The following CYSTM1 variants were observed in gnomAD, a reference collection of about 807,000 sequenced individuals.
The protein encoded by CYSTM1 is cysteine rich transmembrane module containing 1.
Under a neutral mutation model 13.1 loss-of-function variants are expected in CYSTM1, and 4 were observed. That is an observed-to-expected ratio of 0.31 (90% confidence interval 0.15 to 0.70). The LOEUF (loss-of-function observed/expected upper bound fraction) is 0.70. Among genes scored for constraint, CYSTM1 ranks in the 30% least tolerant of loss-of-function variants. The pLI, the probability that CYSTM1 is intolerant of heterozygous loss-of-function variation, is 0.72. For synonymous variants in CYSTM1, 36 were observed against 42.7 expected, an observed-to-expected ratio of 0.84 and a Z score of 0.62; for missense variants, 96 against 121.6, an observed-to-expected ratio of 0.79 and a Z score of 0.99.
intron 1 of CYSTM1, among the ~76,000 whole-genome samples, chr5:140,187,128 A>AAAAC (rs1252889917): frequency 1.3e-5 from 2 of 151,608 alleles, no homozygotes; most frequent in African/African-American, 2.4e-5. Context: ...TCTATCTCAA[A>AAAAC]AAACAAACAA....
chr5:140,221,673 G>A (rs1764494110), intron 2 of CYSTM1, among the ~76,000 whole-genome samples: 1 of 152,192 alleles, frequency 6.6e-6, no homozygotes, highest in African/African-American at 2.4e-5. Flanking sequence ...GCAAACATGG[G>A]TGTACAAATA....
chr5:140,231,620 A>G (rs952887736), intron 2 of CYSTM1, among the ~76,000 whole-genome samples: 5 of 152,258 alleles, frequency 3.3e-5, no homozygotes, highest in African/African-American at 1.2e-4. Flanking sequence ...CAAAAGGGGA[A>G]CAATCTGGCA....
chr5:140,227,631 C>T (rs1470676986), intron 2 of CYSTM1, among the ~76,000 whole-genome samples: 1 of 152,080 alleles, frequency 6.6e-6, no homozygotes, highest in Non-Finnish European at 1.5e-5. Context: ...AGGGAGGCAG[C>T]CCAGGACTGA....
chr5:140,184,521 T>C (rs1343901429), intron 1 of CYSTM1, among the ~76,000 whole-genome samples: 1 of 152,164 alleles, frequency 6.6e-6, no homozygotes, highest in Non-Finnish European at 1.5e-5. Context: ...TATGTCTTTA[T>C]TGAAGAGTTT....
intron 2 of CYSTM1, among the ~76,000 whole-genome samples, chr5:140,218,120 G>T (rs1044223615): frequency 6.6e-6 from 1 of 152,198 alleles, no homozygotes; most frequent in African/African-American, 2.4e-5. Flanking sequence ...GGCTGTGGTT[G>T]TGAATATCAT....
intron 2 of CYSTM1, chr5:140,201,620 T>G (rs17286613): frequency 0.19 from 29,516 of 152,242 alleles, 3,051 homozygotes; most frequent in South Asian, 0.24. Context: ...AGAGCCCTTC[T>G]TCTTGCTCCA....
At chr5:140,189,490 C>T (rs942149643) in intron 1 of CYSTM1, among the ~76,000 whole-genome samples, 2 of 152,148 alleles carry the variant, frequency 1.3e-5, no homozygotes, top group African/African-American at 4.8e-5. Flanking sequence ...TTATAAATTG[C>T]CCAGCCTCAG....
intron 2 of CYSTM1, among the ~76,000 whole-genome samples, chr5:140,199,945 C>A (rs906851039): frequency 2.0e-5 from 3 of 152,258 alleles, no homozygotes; most frequent in African/African-American, 7.2e-5. Flanking sequence ...TGTTCATATT[C>A]TTTGCCCACT....
intron 2 of CYSTM1, chr5:140,201,294 C>T (rs1015644259): frequency 1.3e-5 from 2 of 152,084 alleles, no homozygotes; most frequent in African/African-American, 4.8e-5. Context: ...AAAATATATC[C>T]ACCCCCTTCC....
At chr5:140,185,494 G>C (rs1764006040) in intron 1 of CYSTM1, among the ~76,000 whole-genome samples, 1 of 152,182 alleles carries the variant, frequency 6.6e-6, no homozygotes, top group East Asian at 1.9e-4. Context: ...ATCAGTATTT[G>C]GACAATAATG....
chr5:140,197,820 G>A (rs1287049849), intron 2 of CYSTM1, among the ~76,000 whole-genome samples: 2 of 152,130 alleles, frequency 1.3e-5, no homozygotes, highest in African/African-American at 4.8e-5. Context: ...TCAAAGGAGG[G>A]AGGATCTCCT....
intron 1 of CYSTM1, among the ~76,000 whole-genome samples, chr5:140,188,143 A>G (rs950237042): frequency 2.7e-5 from 4 of 148,218 alleles, no homozygotes; most frequent in Non-Finnish European, 4.4e-5. Context: ...TGTCATGATC[A>G]TAGCTCACTG....
chr5:140,240,350 G>A (rs1764733339), intron 2 of CYSTM1, among the ~76,000 whole-genome samples: 1 of 151,612 alleles, frequency 6.6e-6, no homozygotes. Flanking sequence ...CTTCTGCTTG[G>A]CTGTAGAGGA....
chr5:140,185,217 T>C (rs1001432313), intron 1 of CYSTM1, among the ~76,000 whole-genome samples: 2 of 152,238 alleles, frequency 1.3e-5, no homozygotes, highest in Admixed American at 6.5e-5. Context: ...CAGAGGTAGA[T>C]GATCCATTGT....
At position 140,192,031 on chromosome 5, in the gene CYSTM1, A is replaced by G. The variant is rs552109115; in HGVS notation, c.-20-2415A>G. The stretch of plus-strand genomic sequence containing the variant: ...GAGCGCAGAGAAGGGAAAGAACTCT[A>G]CTTTTTTCCTGAGTCCCTTTCAGGC... On this transcript the variant is annotated intron_variant, in intron 1 of 2. Transcript: ENST00000261811. 6.1e-4 allele frequency among the ~76,000 whole-genome samples: 93 copies of G among 152,274 alleles called. 3 individuals carry two copies. In the South Asian group the frequency reaches 0.018, roughly 29 times the overall value.
intron 2 of CYSTM1, 92 bp from the exon 3 acceptor site, chr5:140,243,213 G>T: frequency 1.0e-6 from 1 of 976,504 alleles, no homozygotes. Context: ...TTTTCCCCTG[G>T]TGTAGCCTTC....
Position 140,243,306 on chromosome 5 carries a change from G to T in CYSTM1, c.189G>T (p.Val63=). Reference sequence around the variant, plus strand: ...CCCTCTTCCCTCTTCTCCCTCCAGTGTATGTGGTAGAAGACCAAAGAAGAG... The same window carrying T: ...CCCTCTTCCCTCTTCTCCCTCCAGTTTATGTGGTAGAAGACCAAAGAAGAG... The part of the protein sequence containing the change: ...GGPQEPPKTT[V]YVVEDQRRDE... Residue 63 remains valine, a splice_region_variant and synonymous_variant, in exon 3 of 3, where the codon GTG becomes GTT. Coordinates refer to ENST00000261811, the MANE Select transcript of CYSTM1 (RefSeq NM_032412.4). The T allele has an allele frequency of 6.2e-7, 1 of 1,613,016 alleles. No homozygotes were observed. Among genetic ancestry groups the T allele is most frequent in the Non-Finnish European group, 8.5e-7 (1 of 1,179,024 alleles).
intron 1 of CYSTM1, among the ~76,000 whole-genome samples, chr5:140,181,647 T>C (rs1763963336): frequency 6.6e-6 from 1 of 152,190 alleles, no homozygotes; most frequent in Non-Finnish European, 1.5e-5. Context: ...TGTGCCTGGT[T>C]AATTTTTTAT....
chr5:140,179,066 C>G (rs1217030351), intron 1 of CYSTM1, among the ~76,000 whole-genome samples: 2 of 151,292 alleles, frequency 1.3e-5, no homozygotes, highest in Admixed American at 1.3e-4. Context: ...CAAGACCAGC[C>G]TGAGCAACAC....
Sources: allele counts gnomAD v4.1 joint callset (sites outside exome capture counted in the v4.1 genomes callset), GRCh38; gene constraint gnomAD v4.1.1; transcripts MANE v1.5; gene names NCBI Gene and HGNC (gene_info 2026-07-23, HGNC 2026-07-21).